PTPRD: variants seen among roughly 807,000 people sequenced by gnomAD.
The protein encoded by PTPRD is protein tyrosine phosphatase receptor type D.
Under a neutral mutation model 214.5 loss-of-function variants are expected in PTPRD, and 34 were observed. That is an observed-to-expected ratio of 0.16 (90% CI 0.12 to 0.21). PTPRD has a LOEUF of 0.21. Among genes scored for constraint, PTPRD ranks in the 10% least tolerant of loss-of-function variants. The pLI is 1.00. For missense variants in PTPRD, 2,545 were observed against 2,398.7 expected, an observed-to-expected ratio of 1.06 and a Z score of -1.27; for synonymous variants, 1,128 against 845.7, an observed-to-expected ratio of 1.33 and a Z score of -5.79.
intron 11 of PTPRD, among the ~76,000 whole-genome samples, chr9:8,993,538 A>ATTTGTATTTGTATTTGTATAGTC (rs2099385674): frequency 6.6e-6 from 1 of 152,156 alleles, no homozygotes; most frequent in Non-Finnish European, 1.5e-5. Flanking sequence ...TATGAGCCAT[A>ATTTGTATTTGTATTTGTATAGTC]TGATCAAATG....
intron 5 of PTPRD, among the ~76,000 whole-genome samples, chr9:9,828,873 C>G (rs1180283238): frequency 6.6e-6 from 1 of 151,876 alleles, no homozygotes; most frequent in Non-Finnish European, 1.5e-5. Flanking sequence ...ATGGTGCTCA[C>G]TTCCATTTAA....
chr9:10,436,622 C>T (rs1176603197), intron 2 of PTPRD, among the ~76,000 whole-genome samples: 1 of 151,800 alleles, frequency 6.6e-6, no homozygotes, highest in East Asian at 1.9e-4. Flanking sequence ...CACCCCTACA[C>T]ATATGTATAT....
At position 9,241,976 on chromosome 9, in the gene PTPRD, C is replaced by A. The variant is rs182641539; in HGVS notation, c.-202-58613G>T. On this transcript the variant is annotated intron_variant, in intron 9 of 45. Coordinates refer to ENST00000381196, the MANE Select transcript of PTPRD (RefSeq NM_002839.4). ...ACAATTTGGCATGTTTTTGCAGTGG[C>A]TGGTACCGGTTGTTCATTTCCATGT... 5.6e-3 allele frequency among the ~76,000 whole-genome samples: 852 copies of A among 152,174 alleles called. 7 individuals carry two copies. Among genetic ancestry groups the A allele is most frequent in the African/African-American group, 0.019 (804 of 41,538 alleles).
At chr9:9,512,822 C>G (rs2096740990) in intron 8 of PTPRD, among the ~76,000 whole-genome samples, 1 of 150,784 alleles carries the variant, frequency 6.6e-6, no homozygotes, top group East Asian at 2.0e-4. Context: ...GGCTGCTATG[C>G]TGTTCTCTTT....
chr9:8,375,540 T>G (rs1287325794), intron 39 of PTPRD, among the ~76,000 whole-genome samples: 1 of 146,862 alleles, frequency 6.8e-6, no homozygotes, highest in Non-Finnish European at 1.5e-5. Context: ...GTTCAGTAAT[T>G]TTTTTCCCCT....
chr9:9,680,212 G>T (rs1437037706), intron 7 of PTPRD, among the ~76,000 whole-genome samples: 1 of 151,746 alleles, frequency 6.6e-6, no homozygotes, highest in East Asian at 2.0e-4. Flanking sequence ...CACTTAAAAT[G>T]ATAAAAAAGC....
chr9:9,986,329 GAGAT>G (rs900179850), intron 4 of PTPRD, among the ~76,000 whole-genome samples: 6 of 152,100 alleles, frequency 3.9e-5, no homozygotes, highest in African/African-American at 1.4e-4. Flanking sequence ...GTGATGAAGT[GAGAT>G]AGACTAAGTG....
chr9:9,007,613 C>T (rs969175264), intron 11 of PTPRD, among the ~76,000 whole-genome samples: 1 of 151,810 alleles, frequency 6.6e-6, no homozygotes, highest in African/African-American at 2.4e-5. Context: ...CAGAGACCAT[C>T]ATGCCTTTAC....
intron 9 of PTPRD, among the ~76,000 whole-genome samples, chr9:9,354,245 T>G (rs2052727086): frequency 6.6e-6 from 1 of 151,838 alleles, no homozygotes; most frequent in Non-Finnish European, 1.5e-5. Flanking sequence ...CCATCATATT[T>G]ACAAGTCCTG....
intron 2 of PTPRD, among the ~76,000 whole-genome samples, chr9:10,376,990 G>A (rs774530027): frequency 6.6e-6 from 1 of 151,788 alleles, no homozygotes; most frequent in Admixed American, 6.6e-5. Context: ...TCAAATACTA[G>A]GTCTTATTCA....
chr9:8,619,755 A>G (rs1190722710), intron 14 of PTPRD, among the ~76,000 whole-genome samples: 1 of 151,888 alleles, frequency 6.6e-6, no homozygotes, highest in East Asian at 1.9e-4. Context: ...TGGTGGAGTT[A>G]AGGTATCTTT....
chr9:9,178,108 A>T (rs1006749474), intron 10 of PTPRD, among the ~76,000 whole-genome samples: 8 of 152,202 alleles, frequency 5.3e-5, no homozygotes, highest in African/African-American at 1.9e-4. Context: ...CAATATAAGG[A>T]AGACTTTTCT....
chr9:9,205,373 T>C (rs761414802), intron 9 of PTPRD, among the ~76,000 whole-genome samples: 1 of 152,200 alleles, frequency 6.6e-6, no homozygotes, highest in Non-Finnish European at 1.5e-5. Flanking sequence ...TTCCACTTCA[T>C]ATTCTTGATG....
intron 3 of PTPRD, among the ~76,000 whole-genome samples, chr9:10,083,526 A>C (rs551445992): frequency 3.9e-4 from 59 of 152,160 alleles, no homozygotes; most frequent in African/African-American, 1.3e-3. Flanking sequence ...TGTCTATAAA[A>C]CACATTTTAA....
At chr9:9,928,048 G>C (rs10733554) in intron 5 of PTPRD, among the ~76,000 whole-genome samples, 17 of 151,868 alleles carry the variant, frequency 1.1e-4, no homozygotes, top group Admixed American at 1.1e-3. Flanking sequence ...TGTGAACAAC[G>C]TTTCATCTTC....
chr9:9,426,842 G>C (rs1450460686), intron 8 of PTPRD, among the ~76,000 whole-genome samples: 1 of 152,124 alleles, frequency 6.6e-6, no homozygotes, highest in Admixed American at 6.5e-5. Context: ...TGCAGCTGAG[G>C]GTCCTGACTG....
intron 3 of PTPRD, among the ~76,000 whole-genome samples, chr9:10,046,773 T>C (rs2097405648): frequency 6.6e-6 from 1 of 151,980 alleles, no homozygotes; most frequent in Non-Finnish European, 1.5e-5. Context: ...TATGCTGTTA[T>C]TCTGAATAAT....
At chr9:9,294,952 C>T (rs1952500117) in intron 9 of PTPRD, among the ~76,000 whole-genome samples, 1 of 151,500 alleles carries the variant, frequency 6.6e-6, no homozygotes, top group Non-Finnish European at 1.5e-5. Flanking sequence ...AAATATTAGG[C>T]AATAAAGAAA....
intron 7 of PTPRD, among the ~76,000 whole-genome samples, chr9:9,696,084 G>T (rs1257165735): frequency 6.6e-6 from 1 of 151,866 alleles, no homozygotes; most frequent in Non-Finnish European, 1.5e-5. Flanking sequence ...TTATTGGTTT[G>T]CTCCAGTTTT....
Sources: allele counts gnomAD v4.1 joint callset (sites outside exome capture counted in the v4.1 genomes callset), GRCh38; gene constraint gnomAD v4.1.1; transcripts MANE v1.5; gene names NCBI Gene and HGNC (gene_info 2026-07-23, HGNC 2026-07-21).